Variants in STX3 observed in about 807,000 individuals in gnomAD.
STX3 encodes syntaxin-3.
In STX3, 19 loss-of-function variants were observed where a neutral mutation model predicts 40.2. The ratio of observed to expected loss-of-function variants is 0.47; its 90% CI spans 0.33 to 0.69. The LOEUF (loss-of-function observed/expected upper bound fraction) is 0.69. STX3 is among the 30% of genes least tolerant of loss of function. STX3 has a pLI of 0.02. For missense variants in STX3, 364 were observed against 366.7 expected (o/e 0.99, Z 0.06); for synonymous variants, 122 against 132.2 (o/e 0.92, Z 0.53).
chr11:59,797,287 T>G lies in STX3; in HGVS notation c.791T>G (p.Leu264Trp), dbSNP rs764016293. 2.5e-6 allele frequency: 4 copies of G among 1,612,680 alleles called. No homozygotes were observed. In the South Asian group the frequency reaches 4.4e-5, roughly 18 times the overall value. The part of the protein sequence containing the change: ...VKYQSQARKK[L>W]IIIIVLVVVL... ...TTGTCTTATTCCTCTCTCCAGAAAT[T>G]GATAATTATCATTGTGCTAGTAGTT... Residue 264 changes from leucine to tryptophan, a missense_variant, in exon 10 of 11, where the codon TTG becomes TGG. Physicochemically the swap from Leu to Trp is moderately conservative, Grantham distance 61. Transcript: ENST00000337979.
At position 59,802,906 on chromosome 11, in the gene STX3, C is replaced by G. The variant is rs372714139; in HGVS notation, c.*2082C>G. On this transcript the variant is annotated 3_prime_UTR_variant, in exon 11 of 11. Coordinates refer to ENST00000337979, the MANE Select transcript of STX3 (RefSeq NM_004177.5). ...GTTTGTGTTTCAGATTTGAGGTGTT[C>G]CCCCCAAAAGAATTTGGTTCAGTCC... 17 of 985,300 alleles carry G rather than the reference C, an allele frequency of 1.7e-5. No individual in the cohort carries two copies. In the African/African-American group the frequency reaches 2.8e-4, roughly 16 times the overall value. 61.0% of individuals were successfully genotyped at this position (985,300 alleles called of 1,614,324 possible). A position where few individuals can be genotyped will look rare whatever the true frequency, so the allele number is the denominator to read the frequency against.
rs1225852621 is a variant in STX3, at chr11:59,802,361, G to A, written c.*1537G>A. On this transcript the variant is annotated 3_prime_UTR_variant, in exon 11 of 11. Coordinates refer to ENST00000337979, the MANE Select transcript of STX3 (RefSeq NM_004177.5). ...ATTTTGGGTACCATGTATATTTTCC[G>A]CTTTGACTTTAACGCTTTCTAGGAT... The A allele has an allele frequency of 1.6e-5, 16 of 985,378 alleles. No individual in the cohort carries two copies. The highest frequency in any genetic ancestry group is 1.9e-5 in the Non-Finnish European group (16 of 829,966). 61.0% of individuals were successfully genotyped at this position (985,378 alleles called of 1,614,324 possible). A position where few individuals can be genotyped will look rare whatever the true frequency, so the allele number is the denominator to read the frequency against.
intron 3 of STX3, 86 bp downstream of exon 3, chr11:59,787,222 A>G (rs1298863390): frequency 5.1e-6 from 6 of 1,175,704 alleles, no homozygotes; most frequent in Non-Finnish European, 7.5e-6. Flanking sequence ...CTTCGTGAGC[A>G]GTAGGGAAGT....
intron 2 of STX3, among the ~76,000 whole-genome samples, chr11:59,773,977 CAAAAAAAA>C (rs5792160): frequency 2.5e-5 from 2 of 81,250 alleles, no homozygotes; most frequent in African/African-American, 4.2e-5. Flanking sequence ...CTCACACACA[CAAAAAAAA>C]AAAAAAAAAA....
intron 2 of STX3, among the ~76,000 whole-genome samples, chr11:59,782,463 G>A (rs1293500901): frequency 1.3e-5 from 2 of 152,252 alleles, no homozygotes; most frequent in Middle Eastern, 3.4e-3. Flanking sequence ...TGTACTTTAT[G>A]TTAAACATTT....
chr11:59,775,101 T>TC (rs1276594361), intron 2 of STX3, among the ~76,000 whole-genome samples: 1 of 152,196 alleles, frequency 6.6e-6, no homozygotes, highest in African/African-American at 2.4e-5. Context: ...CAGTTTTTTT[T>TC]CTGAAAGGAA....
chr11:59,780,627 A>C (rs1864311093), intron 2 of STX3, among the ~76,000 whole-genome samples: 1 of 152,138 alleles, frequency 6.6e-6, no homozygotes, highest in Non-Finnish European at 1.5e-5. Context: ...CCATGGTCCC[A>C]GTTCTGCTGG....
At chr11:59,770,520 AGGAAGACCG>A (rs1233573804) in intron 1 of STX3, among the ~76,000 whole-genome samples, 2 of 152,026 alleles carry the variant, frequency 1.3e-5, no homozygotes, top group African/African-American at 4.8e-5. Flanking sequence ...ACTCTCCTAG[AGGAAGACCG>A]GGTCACAGTG....
rs960683370 is a variant in STX3 at position 59,793,258 on chromosome 11, G to A, written c.540+86G>A. On this transcript the variant is annotated intron_variant, in intron 7 of 10. Coordinates refer to ENST00000337979, the MANE Select transcript of STX3 (RefSeq NM_004177.5). ...GCTCATGCAGTCCAGCAGGTGGAGG[G>A]GGAGCTGCAGGTGCAGGGAGTTCAG... 53 of 1,606,254 alleles carry A rather than the reference G, an allele frequency of 3.3e-5. No individual in the cohort carries two copies. In the East Asian group the frequency reaches 6.3e-4, roughly 19 times the overall value.
At chr11:59,794,313 T>G (rs1865390854) in intron 8 of STX3, among the ~76,000 whole-genome samples, 2 of 152,216 alleles carry the variant, frequency 1.3e-5, no homozygotes. Flanking sequence ...TCCTAGTTCT[T>G]ATGGGACAGT....
At chr11:59,800,165 T>A in intron 10 of STX3, 1 of 985,452 alleles carries the variant, frequency 1.0e-6, no homozygotes, top group Non-Finnish European at 1.2e-6. Context: ...TTTTTTGTAG[T>A]GTATTCCATG....
At chr11:59,795,652 T>G (rs1865474902) in intron 9 of STX3, 170 bp downstream of exon 9, 1 of 1,537,814 alleles carries the variant, frequency 6.5e-7, no homozygotes, top group South Asian at 1.2e-5. Context: ...CAGTGGGCTT[T>G]GTGGAGCGGG....
chr11:59,795,793 C>A, intron 9 of STX3: 1 of 1,269,110 alleles, frequency 7.9e-7, no homozygotes, highest in Non-Finnish European at 1.1e-6. Context: ...TACCTGTGTT[C>A]TTGAGCCCAT....
At chr11:59,776,923 A>G (rs1259558058) in intron 2 of STX3, among the ~76,000 whole-genome samples, 2 of 152,226 alleles carry the variant, frequency 1.3e-5, no homozygotes, top group Admixed American at 6.5e-5. Context: ...GCAGAAAGTA[A>G]TGTTCAGATG....
intron 4 of STX3, chr11:59,789,253 CTTT>C (rs112275582): frequency 3.7e-4 from 79 of 214,926 alleles, no homozygotes; most frequent in Non-Finnish European, 4.7e-4. Context: ...ACTTGTCTCT[CTTT>C]TTTTTTTTTT....
At chr11:59,775,487 G>C (rs957593708) in intron 2 of STX3, among the ~76,000 whole-genome samples, 3 of 152,158 alleles carry the variant, frequency 2.0e-5, no homozygotes, top group African/African-American at 7.2e-5. Context: ...TTTTTCTTCT[G>C]AGCCAGTCAG....
rs142448630 is a variant in STX3 at position 59,758,707 on chromosome 11, G to A, written c.30+3072G>A. ...GACAGGCTTGCCAAGAATGTGCAGT[G>A]CCTCTACCCAGCCTATCCCAGGACA... is the stretch of plus-strand genomic sequence containing the variant. On this transcript the variant is annotated intron_variant, in intron 1 of 10. Coordinates refer to ENST00000337979, the MANE Select transcript of STX3 (RefSeq NM_004177.5). 4.2e-3 allele frequency among the ~76,000 whole-genome samples: 642 copies of A among 152,328 alleles called. 6 individuals are homozygous for A. The highest frequency in any genetic ancestry group is 0.014 in the African/African-American group (601 of 41,574).
intron 8 of STX3, 52 bp from the exon 9 acceptor site, chr11:59,795,320 T>C: frequency 6.7e-7 from 1 of 1,486,358 alleles, no homozygotes; most frequent in South Asian, 1.2e-5. Flanking sequence ...CCGCATTGGC[T>C]AGGACTGACC....
intron 1 of STX3, among the ~76,000 whole-genome samples, chr11:59,766,932 C>G (rs2134890312): frequency 6.6e-6 from 1 of 152,292 alleles, no homozygotes; most frequent in Admixed American, 6.5e-5. Flanking sequence ...CTTGTGGCCA[C>G]CTAGCACCTA....
Sources: allele counts gnomAD v4.1 joint callset (sites outside exome capture counted in the v4.1 genomes callset), GRCh38; gene constraint gnomAD v4.1.1; transcripts MANE v1.5; gene names NCBI Gene and HGNC (gene_info 2026-07-23, HGNC 2026-07-21).